UTRN: variants seen among roughly 807,000 people sequenced by gnomAD.
The protein encoded by UTRN is dystrophin-related protein 1.
In UTRN, 283 loss-of-function variants were observed where a neutral mutation model predicts 463.9. That is an observed-to-expected ratio of 0.61 (90% CI 0.55 to 0.67). The LOEUF is 0.67. Among genes scored for constraint, UTRN ranks in the 30% least tolerant of loss-of-function variants. UTRN has a pLI of 0.00. For synonymous variants in UTRN, 1,442 were observed against 1,431.5 expected, an observed-to-expected ratio of 1.01 and a Z score of -0.17; for missense variants, 3,922 against 4,084.3, an observed-to-expected ratio of 0.96 and a Z score of 1.08.
chr6:144,692,860 C>T (rs2128693461), intron 52 of UTRN, among the ~76,000 whole-genome samples: 1 of 152,174 alleles, frequency 6.6e-6, no homozygotes, highest in East Asian at 1.9e-4. Context: ...TTGATAGTTT[C>T]TTTTGCTGTG....
chr6:144,348,072 C>G (rs953264706), intron 2 of UTRN, among the ~76,000 whole-genome samples: 4 of 151,976 alleles, frequency 2.6e-5, no homozygotes, highest in African/African-American at 9.7e-5. Flanking sequence ...GTCTTGAACT[C>G]CTGAGCTCGA....
intron 54 of UTRN, among the ~76,000 whole-genome samples, chr6:144,734,417 A>G (rs539473947): frequency 9.2e-5 from 14 of 152,320 alleles, no homozygotes; most frequent in African/African-American, 3.1e-4. Context: ...CTTTTCTAGA[A>G]TGAGCACTCA....
At chr6:144,675,599 T>A (rs1259416178) in intron 51 of UTRN, among the ~76,000 whole-genome samples, 1 of 152,058 alleles carries the variant, frequency 6.6e-6, no homozygotes, top group Non-Finnish European at 1.5e-5. Flanking sequence ...AGCCAGGAGG[T>A]GGTGCTTTCA....
chr6:144,537,801 A>G (rs1283502407), intron 44 of UTRN, 84 bp downstream of exon 44: 2 of 1,508,620 alleles, frequency 1.3e-6, no homozygotes, highest in Admixed American at 2.4e-5. Flanking sequence ...TCAAGAAGAA[A>G]AGGGAAAAGA....
chr6:144,380,073 G>A (rs1003495040), intron 2 of UTRN, among the ~76,000 whole-genome samples: 3 of 152,162 alleles, frequency 2.0e-5, no homozygotes, highest in Admixed American at 1.3e-4. Flanking sequence ...TAAATGTCAT[G>A]TATATGTTCA....
chr6:144,583,028 C>T (rs1332245793), intron 51 of UTRN, among the ~76,000 whole-genome samples: 4 of 152,178 alleles, frequency 2.6e-5, no homozygotes, highest in African/African-American at 9.7e-5. Context: ...ACGGTGAATG[C>T]TCTGTTCTCT....
At chr6:144,758,317 A>T in intron 58 of UTRN, 1 of 175,192 alleles carries the variant, frequency 5.7e-6, no homozygotes, top group Non-Finnish European at 1.2e-5. Context: ...TAAAAAAAAA[A>T]AAAATTGGAG....
At chr6:144,551,788 C>T (rs1798941936) in intron 48 of UTRN, among the ~76,000 whole-genome samples, 3 of 152,184 alleles carry the variant, frequency 2.0e-5, no homozygotes, top group Admixed American at 2.0e-4. Flanking sequence ...TCAGCCCGGC[C>T]TGTAATTATG....
At chr6:144,664,852 G>T (rs1780224686) in intron 51 of UTRN, among the ~76,000 whole-genome samples, 1 of 151,256 alleles carries the variant, frequency 6.6e-6, no homozygotes, top group Admixed American at 6.6e-5. Context: ...GATGTTATTT[G>T]CCTATTCTAT....
At chr6:144,309,563 A>G (rs1806059985) in intron 2 of UTRN, among the ~76,000 whole-genome samples, 1 of 152,074 alleles carries the variant, frequency 6.6e-6, no homozygotes, top group East Asian at 1.9e-4. Flanking sequence ...TATTTTCCTA[A>G]TACTGAATTT....
At chr6:144,358,889 T>C (rs1778800114) in intron 2 of UTRN, among the ~76,000 whole-genome samples, 1 of 152,270 alleles carries the variant, frequency 6.6e-6, no homozygotes, top group African/African-American at 2.4e-5. Flanking sequence ...CCATCTAGTC[T>C]TTATACTCAT....
chr6:144,754,090 T>C (rs906100993), intron 56 of UTRN, among the ~76,000 whole-genome samples: 1 of 150,214 alleles, frequency 6.7e-6, no homozygotes, highest in African/African-American at 2.5e-5. Flanking sequence ...ACTATCTATG[T>C]ACTGTCTATT....
In UTRN at chr6:144,851,337, C is replaced by A; in HGVS notation, c.*340C>A. The A allele has an allele frequency of 4.0e-6, 1 of 249,824 alleles. No homozygotes were observed. Among genetic ancestry groups the A allele is most frequent in the African/African-American group, 2.2e-5 (1 of 44,962 alleles). 15.5% of individuals were successfully genotyped at this position (249,824 alleles called of 1,614,324 possible). A position where few individuals can be genotyped will look rare whatever the true frequency, so the allele number is the denominator to read the frequency against. On this transcript the variant is annotated 3_prime_UTR_variant, in exon 75 of 75. Transcript: ENST00000367545. The stretch of plus-strand genomic sequence containing the variant: ...GGGTGGGGGCTTTCTAATATGATAC[C>A]GTCTTTTTAATAACTATGACAAAGC...
chr6:144,560,281 T>C (rs917571630), intron 50 of UTRN, among the ~76,000 whole-genome samples: 2 of 152,148 alleles, frequency 1.3e-5, no homozygotes, highest in Non-Finnish European at 2.9e-5. Context: ...TTTTGTTCTT[T>C]GAATCAGACT....
At position 144,514,631 on chromosome 6, in the gene UTRN, T is replaced by A; in HGVS notation, c.5074-19T>A. The A allele has an allele frequency of 6.2e-7, 1 of 1,610,328 alleles. No homozygotes were observed. Among genetic ancestry groups the A allele is most frequent in the Non-Finnish European group, 8.5e-7 (1 of 1,178,382 alleles). On this transcript the variant is annotated intron_variant, in intron 36 of 74. Coordinates refer to ENST00000367545, the MANE Select transcript of UTRN (RefSeq NM_007124.3). ...TTTGATTTTTCCCATGAGATAATTT[T>A]GTGTTTTCTTATAATTAGCGTTTAG...
chr6:144,739,460 G>A (rs1789807338), intron 54 of UTRN, among the ~76,000 whole-genome samples: 1 of 152,148 alleles, frequency 6.6e-6, no homozygotes, highest in Non-Finnish European at 1.5e-5. Flanking sequence ...TTACACATTA[G>A]TTAATAGAAG....
intron 35 of UTRN, among the ~76,000 whole-genome samples, chr6:144,511,936 A>C (rs908486097): frequency 6.6e-6 from 1 of 152,182 alleles, no homozygotes; most frequent in African/African-American, 2.4e-5. Flanking sequence ...TCAAATTTAT[A>C]GAATTACTAG....
chr6:144,786,621 C>G (rs975239042), intron 61 of UTRN, among the ~76,000 whole-genome samples: 24 of 152,178 alleles, frequency 1.6e-4, no homozygotes, highest in African/African-American at 5.8e-4. Context: ...ACCCCTGCCT[C>G]TGTGCCTTTG....
intron 21 of UTRN, 98 bp from the exon 22 acceptor site, chr6:144,461,099 C>T: frequency 9.8e-7 from 1 of 1,021,026 alleles, no homozygotes; most frequent in East Asian, 2.9e-5. Flanking sequence ...CATGGGGTCT[C>T]CTTTGCCATG....
Sources: allele counts gnomAD v4.1 joint callset (sites outside exome capture counted in the v4.1 genomes callset), GRCh38; gene constraint gnomAD v4.1.1; transcripts MANE v1.5; gene names NCBI Gene and HGNC (gene_info 2026-07-23, HGNC 2026-07-21).